SEH1L: variants seen among roughly 807,000 people sequenced by gnomAD.
SEH1L encodes SEH1 like nucleoporin, also known as nucleoporin SEH1.
Under a neutral mutation model 49.5 loss-of-function variants are expected in SEH1L, and 18 were observed. That is an observed-to-expected ratio of 0.36 (90% CI 0.25 to 0.54). The LOEUF is 0.54. Ranked by LOEUF, SEH1L falls within the 20% of genes least tolerant of loss-of-function variation. The pLI, the probability that SEH1L is intolerant of heterozygous loss-of-function variation, is 0.87. For synonymous variants in SEH1L, 169 were observed against 178.1 expected (o/e 0.95, Z 0.41); for missense variants, 404 against 528.8 (o/e 0.76, Z 2.31).
chr18:12,980,695 T>C (rs2032191073), intron 6 of SEH1L, among the ~76,000 whole-genome samples: 1 of 88,096 alleles, frequency 1.1e-5, no homozygotes, highest in Admixed American at 1.2e-4. Context: ...GGCGGGGGGC[T>C]GACACCCCCC....
intron 8 of SEH1L, chr18:12,985,467 G>C: frequency 7.8e-7 from 1 of 1,277,432 alleles, no homozygotes; most frequent in Non-Finnish European, 9.9e-7. Context: ...TGAAACTTTT[G>C]AAATATAAAC....
chr18:12,986,250 G>A, intron 8 of SEH1L: 1 of 985,378 alleles, frequency 1.0e-6, no homozygotes, highest in Non-Finnish European at 1.2e-6. Context: ...TTATCGGTAA[G>A]TTACAAGATG....
chr18:12,960,803 T>C (rs994010416), intron 3 of SEH1L, among the ~76,000 whole-genome samples: 10 of 152,234 alleles, frequency 6.6e-5, no homozygotes, highest in African/African-American at 2.4e-4. Flanking sequence ...ATTAATATAT[T>C]AGCAGTGGCA....
At chr18:12,986,625 A>G in intron 8 of SEH1L, 3 of 1,133,294 alleles carry the variant, frequency 2.6e-6, no homozygotes, top group Non-Finnish European at 2.2e-6. Flanking sequence ...AACAGATTGT[A>G]TTCCTTTCAA....
intron 2 of SEH1L, among the ~76,000 whole-genome samples, chr18:12,953,062 T>G (rs9949380): frequency 0.37 from 56,107 of 152,050 alleles, 12,714 homozygotes; most frequent in East Asian, 0.62. Context: ...GATTACAGGC[T>G]TGAGCCACCA....
chr18:12,984,514 A>T lies in SEH1L; in HGVS notation c.1070+324A>T, dbSNP rs184755465. On this transcript the variant is annotated intron_variant, in intron 8 of 8. Coordinates refer to ENST00000399892, the MANE Select transcript of SEH1L (RefSeq NM_001013437.2). Reference sequence around the variant, plus strand: ...GTTTAATGGTGAGAGTTTTAGTCCAAATGAACATTAGTGTTTTTTAGTGCT... The same window carrying T: ...GTTTAATGGTGAGAGTTTTAGTCCATATGAACATTAGTGTTTTTTAGTGCT... Among the ~76,000 whole-genome samples, 193 of 152,336 alleles carry T rather than the reference A, an allele frequency of 1.3e-3. 1 individual carries two copies. The highest frequency in any genetic ancestry group is 4.4e-4 in the Non-Finnish European group (30 of 68,024).
chr18:12,962,648 T>C (rs1416930657), intron 3 of SEH1L, among the ~76,000 whole-genome samples: 1 of 149,278 alleles, frequency 6.7e-6, no homozygotes, highest in Non-Finnish European at 1.5e-5. Flanking sequence ...TTTTTTTTAG[T>C]TTTTAGTAGA....
At chr18:12,955,099 AC>A (rs1181826648) in intron 2 of SEH1L, among the ~76,000 whole-genome samples, 3 of 151,922 alleles carry the variant, frequency 2.0e-5, no homozygotes, top group African/African-American at 7.3e-5. Context: ...TGGTGGACTT[AC>A]AGAATCTTTG....
intron 7 of SEH1L, among the ~76,000 whole-genome samples, chr18:12,983,653 G>C (rs994690581): frequency 7.9e-5 from 12 of 152,102 alleles, no homozygotes; most frequent in Non-Finnish European, 1.6e-4. Flanking sequence ...ACTTATACTT[G>C]CATAATTAAG....
intron 2 of SEH1L, among the ~76,000 whole-genome samples, chr18:12,952,420 A>G (rs1017901626): frequency 2.6e-5 from 4 of 151,994 alleles, no homozygotes; most frequent in Non-Finnish European, 4.4e-5. Flanking sequence ...TTTAGCAGAG[A>G]TGGGGTTTCG....
intron 5 of SEH1L, chr18:12,973,888 C>T (rs1398702203): frequency 6.6e-6 from 1 of 152,168 alleles, no homozygotes; most frequent in Non-Finnish European, 1.5e-5. Context: ...AAAAGAGCTG[C>T]ACAATGTCAG....
chr18:12,968,723 A>C (rs971994722), intron 4 of SEH1L, among the ~76,000 whole-genome samples: 1 of 152,090 alleles, frequency 6.6e-6, no homozygotes, highest in African/African-American at 2.4e-5. Context: ...TCATCATTTC[A>C]GTGGGCTTTT....
intron 3 of SEH1L, among the ~76,000 whole-genome samples, chr18:12,957,622 C>T (rs2030950110): frequency 6.6e-6 from 1 of 152,220 alleles, no homozygotes; most frequent in Admixed American, 6.5e-5. Flanking sequence ...GTATTATCAT[C>T]TGCATGCTTT....
intron 6 of SEH1L, among the ~76,000 whole-genome samples, chr18:12,980,885 C>A (rs1394143555): frequency 2.1e-5 from 3 of 144,802 alleles, no homozygotes; most frequent in Admixed American, 2.0e-4. Flanking sequence ...CCCCCCCCAC[C>A]TCCCTTCCGG....
chr18:12,962,825 T>TC (rs1182866123), intron 3 of SEH1L, among the ~76,000 whole-genome samples: 2 of 151,988 alleles, frequency 1.3e-5, no homozygotes, highest in African/African-American at 4.8e-5. Context: ...TGACAAAACT[T>TC]CTTGTCTGAA....
At chr18:12,974,791 T>G (rs28622491) in intron 5 of SEH1L, among the ~76,000 whole-genome samples, 5,050 of 152,242 alleles carry the variant, frequency 0.033, 260 homozygotes, top group African/African-American at 0.11. Flanking sequence ...ACCTTGTAAG[T>G]AGAGGAGACA....
intron 3 of SEH1L, among the ~76,000 whole-genome samples, chr18:12,959,850 C>G (rs921174106): frequency 6.6e-6 from 1 of 152,136 alleles, no homozygotes; most frequent in Non-Finnish European, 1.5e-5. Flanking sequence ...ATCCTCAATT[C>G]AGGCTTGTAT....
chr18:12,980,938 C>T (rs1473781514), intron 6 of SEH1L, among the ~76,000 whole-genome samples: 19 of 150,310 alleles, frequency 1.3e-4, no homozygotes, highest in Admixed American at 9.2e-4. Flanking sequence ...CCACCTCCCT[C>T]CCGGACGGGG....
Position 12,971,088 on chromosome 18 carries a change from T to A in SEH1L, c.522-65T>A. 4.3e-6 allele frequency: 5 copies of A among 1,166,612 alleles called. No individual in the cohort carries two copies. The Admixed American group carries it at 8.5e-5, about 20-fold the overall frequency. 72.3% of individuals were successfully genotyped at this position (1,166,612 alleles called of 1,614,324 possible). A position where few individuals can be genotyped will look rare whatever the true frequency, so the allele number is the denominator to read the frequency against. ...TGGTTGTCTGCTTGCCTCCAGTGTG[T>A]TCATTCTGTGAATGAAATGTGTATT... On this transcript the variant is annotated intron_variant, in intron 4 of 8. Coordinates refer to ENST00000399892, the MANE Select transcript of SEH1L (RefSeq NM_001013437.2).
Sources: allele counts gnomAD v4.1 joint callset (sites outside exome capture counted in the v4.1 genomes callset), GRCh38; gene constraint gnomAD v4.1.1; transcripts MANE v1.5; gene names NCBI Gene and HGNC (gene_info 2026-07-23, HGNC 2026-07-21).